The following CYP19A1 variants were observed in gnomAD, a reference collection of about 807,000 sequenced individuals.
CYP19A1 encodes aromatase.
Under a neutral mutation model 44.4 loss-of-function variants are expected in CYP19A1, and 32 were observed. The observed-to-expected ratio is 0.72, with a 90% CI of 0.54 to 0.97. CYP19A1 has a LOEUF of 0.97. CYP19A1 is among the 50% of genes least tolerant of loss of function. The pLI is 0.00. For missense variants in CYP19A1, 598 were observed against 637.8 expected (o/e 0.94, Z 0.67); for synonymous variants, 212 against 215.6 (o/e 0.98, Z 0.14).
At chr15:51,306,988 A>C (rs1168973470) in intron 1 of CYP19A1, among the ~76,000 whole-genome samples, 1 of 152,248 alleles carries the variant, frequency 6.6e-6, no homozygotes, top group East Asian at 1.9e-4. Context: ...GATAATGGCA[A>C]GCCAGAGATA....
At chr15:51,324,927 C>T (rs1161725686) in intron 1 of CYP19A1, among the ~76,000 whole-genome samples, 5 of 152,174 alleles carry the variant, frequency 3.3e-5, no homozygotes, top group Non-Finnish European at 7.4e-5. Context: ...AGAAGTAGAT[C>T]TGTAACCTCA....
In CYP19A1 at chr15:51,232,428, A is replaced by G. The variant is rs2033101885; in HGVS notation, c.296+4431T>C. Among the ~76,000 whole-genome samples the G allele has an allele frequency of 2.0e-5, 3 of 152,190 alleles. No individual in the cohort carries two copies. In the South Asian group the frequency reaches 6.2e-4, roughly 32 times the overall value. ...TCTTCTCGGTCTAGCTGCTCTTCTC[A>G]GTCTCTGTTGCTAGTTTCTGACCTA... is the stretch of plus-strand genomic sequence containing the variant. On this transcript the variant is annotated intron_variant, in intron 3 of 9. Transcript: ENST00000396402.
At chr15:51,337,209 G>A (rs1025578891) in intron 1 of CYP19A1, among the ~76,000 whole-genome samples, 3 of 152,198 alleles carry the variant, frequency 2.0e-5, no homozygotes, top group Non-Finnish European at 4.4e-5. Context: ...AGTTAAGATA[G>A]GTCCCTGCCT....
chr15:51,211,606 A>G (rs1053058623), intron 9 of CYP19A1: 127 of 407,632 alleles, frequency 3.1e-4, no homozygotes, highest in Non-Finnish European at 4.0e-4. Context: ...TGATTTACAT[A>G]GCATTATCTG....
At chr15:51,276,394 A>G (rs2035311746) in intron 1 of CYP19A1, among the ~76,000 whole-genome samples, 1 of 152,232 alleles carries the variant, frequency 6.6e-6, no homozygotes, top group African/African-American at 2.4e-5. Context: ...GCAAAGTCCC[A>G]AAGAACCACT....
chr15:51,334,251 G>A (rs1422482386), intron 1 of CYP19A1, among the ~76,000 whole-genome samples: 3 of 152,172 alleles, frequency 2.0e-5, no homozygotes, highest in Non-Finnish European at 4.4e-5. Context: ...TCCTACTTTT[G>A]ATAAACAGGG....
intron 1 of CYP19A1, among the ~76,000 whole-genome samples, chr15:51,292,874 C>T (rs898622638): frequency 1.5e-4 from 22 of 151,424 alleles, no homozygotes; most frequent in Middle Eastern, 6.8e-3. Context: ...TTAGTGGACA[C>T]AGGTCTGGTC....
At chr15:51,244,756 T>G (rs764992841) in intron 1 of CYP19A1, among the ~76,000 whole-genome samples, 5 of 152,124 alleles carry the variant, frequency 3.3e-5, no homozygotes, top group African/African-American at 4.8e-5. Flanking sequence ...AGCAAAAAAC[T>G]TCACATTATA....
intron 3 of CYP19A1, among the ~76,000 whole-genome samples, chr15:51,232,805 C>T (rs1157232463): frequency 6.6e-6 from 1 of 152,186 alleles, no homozygotes; most frequent in African/African-American, 2.4e-5. Context: ...ATCCCTTGTC[C>T]TCTTGCACCT....
intron 1 of CYP19A1, among the ~76,000 whole-genome samples, chr15:51,332,947 C>T (rs1279639679): frequency 6.6e-6 from 1 of 152,150 alleles, no homozygotes; most frequent in South Asian, 2.1e-4. Flanking sequence ...TTGTCTTGCC[C>T]ATAACTTGCC....
chr15:51,284,910 G>A (rs918961159), intron 1 of CYP19A1, among the ~76,000 whole-genome samples: 7 of 152,158 alleles, frequency 4.6e-5, no homozygotes, highest in African/African-American at 1.4e-4. Flanking sequence ...AGCATCTAGC[G>A]GACCCACCTG....
chr15:51,334,311 C>T (rs1044684748), intron 1 of CYP19A1, among the ~76,000 whole-genome samples: 6 of 152,204 alleles, frequency 3.9e-5, no homozygotes, highest in Non-Finnish European at 7.3e-5. Flanking sequence ...GGGCAGATCA[C>T]TTAAACCTCC....
intron 9 of CYP19A1, 51 bp from the exon 10 acceptor site, chr15:51,211,107 C>G: frequency 7.7e-7 from 1 of 1,292,860 alleles, no homozygotes; most frequent in Non-Finnish European, 1.1e-6. Context: ...TAGAGTCACT[C>G]AGTCTCTGTT....
intron 2 of CYP19A1, among the ~76,000 whole-genome samples, chr15:51,240,273 G>T (rs1319656466): frequency 6.6e-6 from 1 of 152,072 alleles, no homozygotes; most frequent in Admixed American, 6.5e-5. Flanking sequence ...TTACTTAGCA[G>T]TAAATACGGC....
chr15:51,218,629 C>G lies in CYP19A1; in HGVS notation c.655G>C (p.Gly219Arg), dbSNP rs757249462. Residue 219 changes from glycine to arginine, a missense_variant, in exon 6 of 10, where the codon GGT becomes CGT. Physicochemically the swap from Gly to Arg is moderately radical, Grantham distance 125. Transcript: ENST00000396402. Reference protein sequence around the residue: ...DESAIVVKIQGYFDAWQALLI... With the variant: ...DESAIVVKIQRYFDAWQALLI... ...AGAGCTTGCCATGCATCAAAATAAC[C>G]TTGGATTTTAACCACGATAGCACTT... 1.2e-6 allele frequency: 2 copies of G among 1,613,556 alleles called. No homozygotes were observed. Among genetic ancestry groups the G allele is most frequent in the Non-Finnish European group, 1.7e-6 (2 of 1,179,836 alleles).
Position 51,210,772 on chromosome 15 carries a change from G to A in CYP19A1, c.*36C>T. ...GATGATTTGTATGTGAACTACTGAT[G>A]AGAAATGCTCCAGAGTGGGTACTGA... On this transcript the variant is annotated 3_prime_UTR_variant, in exon 10 of 10. Transcript: ENST00000396402. 7.5e-7 allele frequency: 1 copy of A among 1,338,216 alleles called. No individual in the cohort carries two copies. Among genetic ancestry groups the A allele is most frequent in the Non-Finnish European group, 1.1e-6 (1 of 926,794 alleles). The allele number at this position is 1,338,216 out of a possible 1,614,324, so 82.9% of individuals were successfully genotyped here.
At chr15:51,253,037 G>A (rs1194813107) in intron 1 of CYP19A1, among the ~76,000 whole-genome samples, 2 of 152,124 alleles carry the variant, frequency 1.3e-5, no homozygotes, top group Admixed American at 1.3e-4. Context: ...AATTGGCTGG[G>A]GAAACTCAAA....
intron 1 of CYP19A1, among the ~76,000 whole-genome samples, chr15:51,275,061 T>C (rs1483282164): frequency 6.6e-6 from 1 of 152,202 alleles, no homozygotes; most frequent in Non-Finnish European, 1.5e-5. Flanking sequence ...TGGTTTGGCT[T>C]CCACTCTGCT....
intron 1 of CYP19A1, among the ~76,000 whole-genome samples, chr15:51,315,099 C>T (rs1249482522): frequency 6.6e-6 from 1 of 152,142 alleles, no homozygotes; most frequent in Non-Finnish European, 1.5e-5. Context: ...CCCTTTATCT[C>T]ACTGGCCTTG....
Sources: allele counts gnomAD v4.1 joint callset (sites outside exome capture counted in the v4.1 genomes callset), GRCh38; gene constraint gnomAD v4.1.1; transcripts MANE v1.5; gene names NCBI Gene and HGNC (gene_info 2026-07-23, HGNC 2026-07-21).